CSMD1: variants seen among roughly 807,000 people sequenced by gnomAD.
CSMD1 encodes the protein CUB and sushi domain-containing protein 1.
Under a neutral mutation model 417.5 loss-of-function variants are expected in CSMD1, and 213 were observed. The ratio of observed to expected loss-of-function variants is 0.51; its 90% CI spans 0.46 to 0.57. The LOEUF (loss-of-function observed/expected upper bound fraction) is 0.57. Among genes scored for constraint, CSMD1 ranks in the 20% least tolerant of loss-of-function variants. The pLI, the probability that CSMD1 is intolerant of heterozygous loss-of-function variation, is 0.00. For missense variants in CSMD1, 6,923 were observed against 4,529.7 expected (o/e 1.53, Z -15.17); for synonymous variants, 2,862 against 1,736.8 (o/e 1.65, Z -16.11).
At chr8:4,918,764 G>C (rs1022160735) in intron 1 of CSMD1, among the ~76,000 whole-genome samples, 1 of 152,062 alleles carries the variant, frequency 6.6e-6, no homozygotes, top group Non-Finnish European at 1.5e-5. Flanking sequence ...ATGCAGGTAT[G>C]TGCATATGGA....
intron 2 of CSMD1, among the ~76,000 whole-genome samples, chr8:4,491,840 A>G (rs941301119): frequency 6.6e-6 from 1 of 152,216 alleles, no homozygotes; most frequent in Non-Finnish European, 1.5e-5. Flanking sequence ...ACACAGTCTT[A>G]CTGTACGATC....
chr8:4,484,045 G>T (rs1359454265), intron 2 of CSMD1, among the ~76,000 whole-genome samples: 1 of 152,030 alleles, frequency 6.6e-6, no homozygotes, highest in South Asian at 2.1e-4. Flanking sequence ...ACATTTCTTA[G>T]TCTGCCAAGC....
intron 3 of CSMD1, among the ~76,000 whole-genome samples, chr8:4,408,856 A>G (rs1034362820): frequency 2.6e-5 from 4 of 152,326 alleles, no homozygotes; most frequent in Non-Finnish European, 5.9e-5. Flanking sequence ...TTTGAAAAAT[A>G]TACTTACGTT....
chr8:4,941,375 T>C (rs1807988279), intron 1 of CSMD1, among the ~76,000 whole-genome samples: 1 of 152,174 alleles, frequency 6.6e-6, no homozygotes, highest in Admixed American at 6.5e-5. Context: ...AAAATAAAAA[T>C]ATTATCTTTT....
intron 2 of CSMD1, among the ~76,000 whole-genome samples, chr8:4,584,102 G>C (rs1301673339): frequency 6.6e-6 from 1 of 151,896 alleles, no homozygotes; most frequent in Non-Finnish European, 1.5e-5. Flanking sequence ...CCACTAGAAG[G>C]AAGAAACTCT....
In CSMD1 at chr8:4,415,266, C is replaced by G. The variant is rs554750336; in HGVS notation, c.415+4687G>C. 2.6e-5 allele frequency among the ~76,000 whole-genome samples: 4 copies of G among 152,256 alleles called. No individual in the cohort carries two copies. In the South Asian group the frequency reaches 8.3e-4, roughly 32 times the overall value. ...TCAACTCCGCCTCACTTCTGCACCC[C>G]CTCCTCCTGTAAACCACATTGCTAA... On this transcript the variant is annotated intron_variant, in intron 3 of 69. Transcript: ENST00000635120.
At chr8:4,836,576 A>G (rs988169731) in intron 1 of CSMD1, among the ~76,000 whole-genome samples, 17 of 152,344 alleles carry the variant, frequency 1.1e-4, no homozygotes, top group African/African-American at 4.1e-4. Flanking sequence ...AACTTTATGA[A>G]TAAGTTTTGA....
At chr8:4,140,688 G>C (rs1803733415) in intron 3 of CSMD1, among the ~76,000 whole-genome samples, 1 of 150,712 alleles carries the variant, frequency 6.6e-6, no homozygotes, top group Admixed American at 6.6e-5. Context: ...AATAATAATA[G>C]AGTAGAAAAC....
chr8:4,063,555 C>G (rs868756613), intron 3 of CSMD1, among the ~76,000 whole-genome samples: 2 of 152,110 alleles, frequency 1.3e-5, no homozygotes, highest in South Asian at 2.1e-4. Context: ...TCCTTAAGAA[C>G]CAGCCATTAA....
intron 25 of CSMD1, among the ~76,000 whole-genome samples, chr8:3,300,722 C>G (rs555943990): frequency 1.6e-4 from 25 of 151,954 alleles, no homozygotes; most frequent in Middle Eastern, 6.8e-3. Flanking sequence ...TTTGGGAGGA[C>G]GAGGCGGGCA....
At chr8:4,233,405 A>T (rs1801860929) in intron 3 of CSMD1, among the ~76,000 whole-genome samples, 2 of 152,206 alleles carry the variant, frequency 1.3e-5, no homozygotes, top group African/African-American at 4.8e-5. Context: ...TTTCCACAAA[A>T]TTCATGTGTT....
intron 11 of CSMD1, among the ~76,000 whole-genome samples, chr8:3,492,943 C>A (rs987777023): frequency 2.0e-5 from 3 of 151,996 alleles, no homozygotes; most frequent in Non-Finnish European, 4.4e-5. Flanking sequence ...AGCATCTGTA[C>A]CTCTTTAAAA....
chr8:4,435,996 T>C (rs940928419), intron 2 of CSMD1, among the ~76,000 whole-genome samples: 2 of 152,204 alleles, frequency 1.3e-5, no homozygotes, highest in African/African-American at 4.8e-5. Context: ...CACAAACATA[T>C]TGAATTAACT....
At chr8:3,782,341 G>A (rs934546516) in intron 5 of CSMD1, among the ~76,000 whole-genome samples, 2 of 152,116 alleles carry the variant, frequency 1.3e-5, no homozygotes, top group African/African-American at 2.4e-5. Context: ...ATAGGAAAAT[G>A]TTCAAAAAGG....
chr8:4,231,827 G>C (rs911807404), intron 3 of CSMD1, among the ~76,000 whole-genome samples: 7 of 152,162 alleles, frequency 4.6e-5, no homozygotes, highest in African/African-American at 1.4e-4. Context: ...TATAGGAAAA[G>C]CACCCAGAAT....
intron 26 of CSMD1, among the ~76,000 whole-genome samples, chr8:3,230,974 G>T (rs1015172012): frequency 6.6e-6 from 1 of 152,122 alleles, no homozygotes; most frequent in Admixed American, 6.5e-5. Flanking sequence ...TATCATATCA[G>T]TTTCTGGTAA....
chr8:4,397,523 C>CT lies in CSMD1; in HGVS notation c.415+22429dup, dbSNP rs57745028. 7.8e-3 allele frequency among the ~76,000 whole-genome samples: 467 copies of CT among 59,946 alleles called. 54 individuals carry two copies. The highest frequency in any genetic ancestry group is 0.031 in the Middle Eastern group (2 of 64). The allele number at this position is 59,946 out of a possible 152,430, so 39.3% of individuals were successfully genotyped here. A position where few individuals can be genotyped will look rare whatever the true frequency, so the allele number is the denominator to read the frequency against. On this transcript the variant is annotated intron_variant, in intron 3 of 69. Coordinates refer to ENST00000635120, the MANE Select transcript of CSMD1 (RefSeq NM_033225.6). ...GAGCAATGTCAACAAGCCTGAGACT[C>CT]TTTTTTTTTTTTTTTTTTTTTTTTT...
chr8:3,116,618 A>C (rs923685774), intron 42 of CSMD1, among the ~76,000 whole-genome samples: 4 of 152,236 alleles, frequency 2.6e-5, no homozygotes, highest in Admixed American at 2.6e-4. Flanking sequence ...GGCAGGCATC[A>C]CTTTAAATTC....
At chr8:4,582,386 G>A (rs929764847) in intron 2 of CSMD1, among the ~76,000 whole-genome samples, 1 of 152,198 alleles carries the variant, frequency 6.6e-6, no homozygotes, top group African/African-American at 2.4e-5. Context: ...TGAGGACAAA[G>A]GAGAGATTAT....
Sources: allele counts gnomAD v4.1 joint callset (sites outside exome capture counted in the v4.1 genomes callset), GRCh38; gene constraint gnomAD v4.1.1; transcripts MANE v1.5; gene names NCBI Gene and HGNC (gene_info 2026-07-23, HGNC 2026-07-21).